Variants in ANO3 observed in about 807,000 individuals in gnomAD.
The protein encoded by ANO3 is anoctamin 3.
ANO3 carries 99 observed loss-of-function variants against 144.8 expected under a neutral mutation model. The observed-to-expected ratio is 0.68, with a 90% confidence interval of 0.58 to 0.81. The LOEUF is 0.81. ANO3 is among the 30% of genes least tolerant of loss of function. The pLI, the probability that ANO3 is intolerant of heterozygous loss-of-function variation, is 0.00. For missense variants in ANO3, 905 were observed against 1,202.2 expected (o/e 0.75, Z 3.66); for synonymous variants, 414 against 392.6 (o/e 1.05, Z -0.64).
intron 4 of ANO3, among the ~76,000 whole-genome samples, chr11:26,468,902 C>A (rs1222537743): frequency 1.3e-5 from 2 of 151,770 alleles, no homozygotes; most frequent in East Asian, 1.9e-4. Context: ...CCTGAAGTAA[C>A]CTTTTATTTA....
chr11:26,385,063 A>G (rs547319937), intron 1 of ANO3, among the ~76,000 whole-genome samples: 11 of 152,256 alleles, frequency 7.2e-5, no homozygotes, highest in South Asian at 2.1e-4. Context: ...TTTTTCTCAC[A>G]TGGTATTAAT....
intron 1 of ANO3, among the ~76,000 whole-genome samples, chr11:26,274,680 A>C (rs1853519074): frequency 6.6e-6 from 1 of 152,154 alleles, no homozygotes; most frequent in African/African-American, 2.4e-5. Context: ...AATGACACAT[A>C]ATGCCATCTG....
intron 18 of ANO3, among the ~76,000 whole-genome samples, chr11:26,633,688 C>T (rs553940605): frequency 5.3e-5 from 8 of 152,246 alleles, no homozygotes; most frequent in East Asian, 1.9e-4. Context: ...GATTATCTTA[C>T]GAAGTCCTTT....
chr11:26,519,363 T>C (rs368021067), intron 6 of ANO3, among the ~76,000 whole-genome samples: 18 of 152,346 alleles, frequency 1.2e-4, no homozygotes, highest in African/African-American at 3.8e-4. Flanking sequence ...ATTTCCGTTG[T>C]TGGCATTATT....
intron 1 of ANO3, among the ~76,000 whole-genome samples, chr11:26,346,328 G>A (rs1211933211): frequency 6.6e-6 from 1 of 151,986 alleles, no homozygotes; most frequent in East Asian, 1.9e-4. Flanking sequence ...GAGATTATAG[G>A]GCCTTATGAA....
chr11:26,563,376 T>A, intron 14 of ANO3: 4 of 1,124,830 alleles, frequency 3.6e-6, no homozygotes, highest in Non-Finnish European at 4.8e-6. Flanking sequence ...TAAAATTAGA[T>A]AATGGTGTGT....
chr11:26,625,661 A>G (rs1280471800), intron 18 of ANO3, among the ~76,000 whole-genome samples: 1 of 151,906 alleles, frequency 6.6e-6, no homozygotes, highest in Non-Finnish European at 1.5e-5. Flanking sequence ...AAGACTCTAA[A>G]TTTTCTCTGA....
intron 17 of ANO3, among the ~76,000 whole-genome samples, chr11:26,601,260 T>C (rs995900292): frequency 6.6e-6 from 1 of 152,218 alleles, no homozygotes; most frequent in Non-Finnish European, 1.5e-5. Flanking sequence ...CCAAATGTGA[T>C]TGATACTCAT....
chr11:26,531,350 T>C lies in ANO3; in HGVS notation c.869+14T>C. The C allele has an allele frequency of 2.5e-6, 4 of 1,597,512 alleles. No individual in the cohort carries two copies. In the South Asian group the frequency reaches 4.5e-5, roughly 18 times the overall value. On this transcript the variant is annotated intron_variant, in intron 8 of 26. Coordinates refer to ENST00000256737, the MANE Select transcript of ANO3 (RefSeq NM_031418.4). ...ACGGATTCACCAGTGAGTTCCCCTC[T>C]TTTTTCATACTGCCTACCTTTATAT...
intron 18 of ANO3, among the ~76,000 whole-genome samples, chr11:26,628,542 A>G (rs1852667496): frequency 6.6e-6 from 1 of 152,212 alleles, no homozygotes; most frequent in Admixed American, 6.5e-5. Context: ...AATGATCCAC[A>G]ATGTGCTATA....
chr11:26,494,760 A>AAGTTCCTAGCATGG (rs1860858780), intron 4 of ANO3, among the ~76,000 whole-genome samples: 2 of 152,188 alleles, frequency 1.3e-5, no homozygotes, highest in African/African-American at 2.4e-5. Context: ...CCTGACCCAT[A>AAGTTCCTAGCATGG]AGTTCCTAGC....
At chr11:26,485,499 T>G (rs1049549594) in intron 4 of ANO3, among the ~76,000 whole-genome samples, 88 of 152,172 alleles carry the variant, frequency 5.8e-4, no homozygotes, top group Non-Finnish European at 1.5e-4. Flanking sequence ...CCACGCTTCC[T>G]GTACAGCCTG....
intron 1 of ANO3, among the ~76,000 whole-genome samples, chr11:26,192,164 G>A (rs1024669059): frequency 1.1e-4 from 17 of 152,162 alleles, no homozygotes; most frequent in Non-Finnish European, 1.9e-4. Context: ...ATTCAGGATA[G>A]TAACAATATG....
intron 1 of ANO3, among the ~76,000 whole-genome samples, chr11:26,198,180 G>A (rs996011669): frequency 6.6e-6 from 1 of 152,134 alleles, no homozygotes; most frequent in African/African-American, 2.4e-5. Context: ...AAATGTTAAT[G>A]TTGTACCTGA....
intron 18 of ANO3, among the ~76,000 whole-genome samples, chr11:26,625,726 C>T (rs1312820237): frequency 6.6e-6 from 1 of 151,944 alleles, no homozygotes. Context: ...TTAGAGTTAC[C>T]CTCTCAAGCT....
intron 17 of ANO3, among the ~76,000 whole-genome samples, chr11:26,609,776 T>C (rs1852041583): frequency 6.6e-6 from 1 of 152,220 alleles, no homozygotes; most frequent in African/African-American, 2.4e-5. Context: ...TGATGGATCA[T>C]ATAGTAATTC....
chr11:26,497,054 TTC>T (rs1565061803), intron 4 of ANO3, among the ~76,000 whole-genome samples: 4 of 147,008 alleles, frequency 2.7e-5, no homozygotes, highest in African/African-American at 2.5e-5. Flanking sequence ...ACACTACATT[TTC>T]TCTCTCTATA....
At chr11:26,292,885 G>A (rs191378014) in intron 1 of ANO3, among the ~76,000 whole-genome samples, 335 of 152,208 alleles carry the variant, frequency 2.2e-3, no homozygotes, top group African/African-American at 7.7e-3. Flanking sequence ...CATGGGTCAG[G>A]GACCCACGAG....
intron 26 of ANO3, among the ~76,000 whole-genome samples, chr11:26,659,479 A>G (rs1171028544): frequency 6.6e-6 from 1 of 151,916 alleles, no homozygotes; most frequent in African/African-American, 2.4e-5. Context: ...GAATAACTTG[A>G]GCCCAGGAGC....
Sources: gnomAD v4.1 joint callset for allele counts (sites outside exome capture counted in the v4.1 genomes callset) on GRCh38, gnomAD v4.1.1 for gene constraint, MANE v1.5 for transcripts, NCBI Gene and HGNC (gene_info 2026-07-23, HGNC 2026-07-21) for gene names.